The following MPDZ variants were observed in gnomAD, a reference collection of about 807,000 sequenced individuals.
The protein encoded by MPDZ is multiple PDZ domain protein.
MPDZ carries 234 observed loss-of-function variants against 239.1 expected under a neutral mutation model. The ratio of observed to expected loss-of-function variants is 0.98; its 90% CI spans 0.88 to 1.09. The LOEUF (loss-of-function observed/expected upper bound fraction) is 1.09, where lower values mean the gene tolerates loss of function less well. MPDZ is among the 50% of genes least tolerant of loss of function. MPDZ has a pLI of 0.00. For missense variants in MPDZ, 3,175 were observed against 2,510.0 expected (o/e 1.26, Z -5.66); for synonymous variants, 1,048 against 881.3 (o/e 1.19, Z -3.35).
chr9:13,127,264 G>T lies in MPDZ; in HGVS notation c.4465-492C>A, dbSNP rs376547392. On this transcript the variant is annotated intron_variant, in intron 32 of 46. Transcript: ENST00000319217. ...ACTGATGCAGACTCTGTCCTTTTGG[G>T]GGGTGAACACTCAGACTTGTTTCTC... Among the ~76,000 whole-genome samples the T allele has an allele frequency of 4.6e-5, 7 of 152,116 alleles. No individual in the cohort carries two copies. In the East Asian group the frequency reaches 1.2e-3, roughly 25 times the overall value.
chr9:13,170,016 T>C (rs1951585246), intron 21 of MPDZ, among the ~76,000 whole-genome samples: 1 of 152,160 alleles, frequency 6.6e-6, no homozygotes, highest in Admixed American at 6.6e-5. Context: ...TTGAAAAATA[T>C]AAAATCTTAT....
At chr9:13,268,477 A>G (rs546294440) in intron 1 of MPDZ, among the ~76,000 whole-genome samples, 1 of 152,280 alleles carries the variant, frequency 6.6e-6, no homozygotes, top group Non-Finnish European at 1.5e-5. Flanking sequence ...ACTGAAGCAT[A>G]TGACAAAAGA....
chr9:13,196,676 G>A (rs1888745), intron 12 of MPDZ, among the ~76,000 whole-genome samples: 151,591 of 152,166 alleles, frequency 1, 75,511 homozygotes, highest in Middle Eastern at 1. Flanking sequence ...AATAATATAT[G>A]TAACTCCATA....
chr9:13,204,071 T>C (rs1264840418), intron 12 of MPDZ, among the ~76,000 whole-genome samples: 1 of 152,156 alleles, frequency 6.6e-6, no homozygotes, highest in Non-Finnish European at 1.5e-5. Context: ...TAAAGCTCAT[T>C]CAAAATTTTC....
chr9:13,166,353 C>T (rs1951074238), intron 22 of MPDZ, among the ~76,000 whole-genome samples: 1 of 152,082 alleles, frequency 6.6e-6, no homozygotes, highest in South Asian at 2.1e-4. Flanking sequence ...GCTGCTCAGC[C>T]CTGGTCAACC....
intron 3 of MPDZ, among the ~76,000 whole-genome samples, chr9:13,244,881 C>T (rs1966236149): frequency 6.6e-6 from 1 of 152,034 alleles, no homozygotes; most frequent in Admixed American, 6.5e-5. Flanking sequence ...ATACCTCAAG[C>T]TTTTCAATTA....
At chr9:13,192,774 A>G (rs1246310286) in intron 14 of MPDZ, among the ~76,000 whole-genome samples, 3 of 152,222 alleles carry the variant, frequency 2.0e-5, no homozygotes, top group Non-Finnish European at 4.4e-5. Flanking sequence ...CAAATATATT[A>G]GTAGTTACCT....
chr9:13,172,382 TTTTTG>T lies in MPDZ; in HGVS notation c.3055+3365_3055+3369del, dbSNP rs1183986604. ...TTCACACTTAAATGTCTTACTTTGT[TTTTTG>T]TTTTTTTTTTTTGAGACGAAGTTTT... On this transcript the variant is annotated intron_variant, in intron 21 of 46. Transcript: ENST00000319217. 4.3e-3 allele frequency among the ~76,000 whole-genome samples: 41 copies of T among 9,628 alleles called. 1 individual carries two copies. The highest frequency in any genetic ancestry group is 0.012 in the Non-Finnish European group (31 of 2,612). The allele number at this position is 9,628 out of a possible 152,430, so 6.3% of individuals were successfully genotyped here. A position where few individuals can be genotyped will look rare whatever the true frequency, so the allele number is the denominator to read the frequency against.
chr9:13,232,206 T>C (rs907165309), intron 3 of MPDZ, among the ~76,000 whole-genome samples: 1 of 152,126 alleles, frequency 6.6e-6, no homozygotes, highest in Non-Finnish European at 1.5e-5. Context: ...AATAAACCAT[T>C]AGCTGTAATA....
intron 15 of MPDZ, 115 bp downstream of exon 15, chr9:13,192,016 G>C: frequency 1.1e-6 from 1 of 920,144 alleles, no homozygotes; most frequent in East Asian, 3.1e-5. Context: ...TATCCTCCAA[G>C]CCATGGGCGA....
At chr9:13,153,547 C>T (rs989634109) in intron 24 of MPDZ, among the ~76,000 whole-genome samples, 1 of 151,994 alleles carries the variant, frequency 6.6e-6, no homozygotes, top group African/African-American at 2.4e-5. Flanking sequence ...ACCTCAATGT[C>T]CTGGGCTCAG....
chr9:13,250,106 A>AT (rs556570375), intron 2 of MPDZ, among the ~76,000 whole-genome samples, 194 bp downstream of exon 2: 61 of 152,304 alleles, frequency 4.0e-4, no homozygotes, highest in African/African-American at 1.4e-3. Flanking sequence ...TAAGTAACGT[A>AT]TTTTTACAAC....
chr9:13,242,314 T>C (rs1474708848), intron 3 of MPDZ, among the ~76,000 whole-genome samples: 2 of 140,092 alleles, frequency 1.4e-5, no homozygotes. Context: ...CAACCTCCAC[T>C]TCCTGGGCTC....
rs186662317 is a variant in MPDZ at position 13,176,153 on chromosome 9, G to C, written c.2914C>G (p.Pro972Ala). The change falls in exon 20 of 47, where the codon CCC becomes GCC. Residue 972 changes from proline to alanine, a missense_variant. By Grantham distance (27) the Pro-to-Ala change is conservative. Coordinates refer to ENST00000319217, the MANE Select transcript of MPDZ (RefSeq NM_001378778.1). Reference sequence around the variant, plus strand: ...AATATTACCTTTCCAGCTGAATCGGGTAGCACAGAAGGAAGTTCTGCACTT... The same window carrying C: ...AATATTACCTTTCCAGCTGAATCGGCTAGCACAGAAGGAAGTTCTGCACTT... ...ISSAELPSVL[P>A]DSAGKGSEYL... 7 of 1,599,222 alleles carry C rather than the reference G, an allele frequency of 4.4e-6. No homozygotes were observed. The African/African-American group carries it at 8.0e-5, about 18-fold the overall frequency.
rs1429140971 is a variant in MPDZ, at chr9:13,126,693, C to T, written c.4544G>A (p.Gly1515Glu). The T allele has an allele frequency of 3.1e-6, 5 of 1,613,658 alleles. No homozygotes were observed. Among genetic ancestry groups the T allele is most frequent in the South Asian group, 2.2e-5 (2 of 91,076 alleles). Residue 1515 changes from glycine to glutamate, a missense_variant, in exon 33 of 47, where the codon GGG (glycine) becomes GAG (glutamate). Gly to Glu is a moderately conservative substitution (Grantham distance 98). Coordinates refer to ENST00000319217, the MANE Select transcript of MPDZ (RefSeq NM_001378778.1). ...GGTAAACCTCACCGTGGCTGCTACC[C>T]CATGCTCTGTTAAGCTCTTTATGAT... ...GVIIKSLTEH[G>E]VAATDGRLKV...
chr9:13,204,491 G>C (rs1007651267), intron 12 of MPDZ, among the ~76,000 whole-genome samples: 1 of 152,008 alleles, frequency 6.6e-6, no homozygotes, highest in Non-Finnish European at 1.5e-5. Flanking sequence ...AGTTTATAGT[G>C]AGAGAATTCC....
intron 1 of MPDZ, among the ~76,000 whole-genome samples, chr9:13,260,737 C>T (rs1341944655): frequency 6.6e-6 from 1 of 152,174 alleles, no homozygotes; most frequent in African/African-American, 2.4e-5. Flanking sequence ...GCCACATGAG[C>T]ACACAAGAAG....
intron 24 of MPDZ, among the ~76,000 whole-genome samples, chr9:13,151,003 G>C (rs58794982): frequency 0.18 from 27,368 of 151,824 alleles, 2,892 homozygotes; most frequent in East Asian, 0.48. Context: ...TAAAACATGG[G>C]CAAGTGTCTT....
At chr9:13,172,665 G>C (rs1359095573) in intron 21 of MPDZ, among the ~76,000 whole-genome samples, 2 of 152,120 alleles carry the variant, frequency 1.3e-5, no homozygotes, top group African/African-American at 4.8e-5. Context: ...GGGATTACAG[G>C]CGTGAGCCAC....
Sources: gnomAD v4.1 joint callset for allele counts (sites outside exome capture counted in the v4.1 genomes callset) on GRCh38, gnomAD v4.1.1 for gene constraint, MANE v1.5 for transcripts, NCBI Gene and HGNC (gene_info 2026-07-23, HGNC 2026-07-21) for gene names.